Variants in ROBO2 observed in about 807,000 individuals in gnomAD.
ROBO2 encodes roundabout homolog 2.
ROBO2 carries 53 observed loss-of-function variants against 160.8 expected under a neutral mutation model. That is an observed-to-expected ratio of 0.33 (90% CI 0.26 to 0.41). ROBO2 has a LOEUF of 0.41. Among genes scored for constraint, ROBO2 ranks in the 10% least tolerant of loss-of-function variants. The pLI is 1.00. For missense variants in ROBO2, 1,577 were observed against 1,722.4 expected (o/e 0.92, Z 1.49); for synonymous variants, 664 against 611.7 (o/e 1.09, Z -1.26).
exon 26 of ROBO2, chr3:77,649,856 A>G (rs550104101): frequency 3.3e-5 from 5 of 152,202 alleles, no homozygotes; most frequent in Admixed American, 2.6e-4. Flanking sequence ...GTTTCATTTG[A>G]TGTTGTTAGA....
intron 2 of ROBO2, among the ~76,000 whole-genome samples, chr3:76,522,244 A>G (rs2081663698): frequency 1.3e-5 from 2 of 152,208 alleles, no homozygotes; most frequent in Non-Finnish European, 2.9e-5. Context: ...TAGAGTAATT[A>G]GAGAAGTAAA....
At position 76,731,017 on chromosome 3, in the gene ROBO2, C is replaced by T. The variant is rs1013130336; in HGVS notation, c.110-366997C>T. Among the ~76,000 whole-genome samples the T allele has an allele frequency of 6.0e-5, 9 of 149,062 alleles. 1 individual carries two copies. The highest frequency in any genetic ancestry group is 4.3e-4 in the South Asian group (2 of 4,648). On this transcript the variant is annotated intron_variant, in intron 2 of 26. Transcript: ENST00000487694. ...ACCTCCTACTCCCTACCCGCTTTTC[C>T]TCACCTCCTACTCCCTACCCGCTTT...
intron 2 of ROBO2, among the ~76,000 whole-genome samples, chr3:76,440,386 G>C (rs2076872425): frequency 6.6e-6 from 1 of 151,814 alleles, no homozygotes; most frequent in Non-Finnish European, 1.5e-5. Flanking sequence ...ATCTCCTAAT[G>C]CTATCCCTCC....
chr3:76,270,128 G>C (rs1484498300), intron 2 of ROBO2, among the ~76,000 whole-genome samples: 1 of 151,972 alleles, frequency 6.6e-6, no homozygotes, highest in African/African-American at 2.4e-5. Context: ...TATGTCTTAG[G>C]TAATTTCTCA....
At chr3:76,959,180 T>C (rs766523210) in intron 2 of ROBO2, among the ~76,000 whole-genome samples, 20 of 152,172 alleles carry the variant, frequency 1.3e-4, no homozygotes, top group Non-Finnish European at 2.8e-4. Context: ...ACAACTCTTA[T>C]TAACCAGCTA....
At chr3:77,324,177 G>T (rs1435009955) in intron 2 of ROBO2, among the ~76,000 whole-genome samples, 1 of 152,102 alleles carries the variant, frequency 6.6e-6, no homozygotes, top group Non-Finnish European at 1.5e-5. Flanking sequence ...CAGGGGACTG[G>T]CTATAAGTGT....
At chr3:77,360,185 C>T (rs576434375) in intron 2 of ROBO2, among the ~76,000 whole-genome samples, 1 of 152,078 alleles carries the variant, frequency 6.6e-6, no homozygotes, top group African/African-American at 2.4e-5. Flanking sequence ...AGTGTCAGGG[C>T]CGGCGGGGAG....
intron 2 of ROBO2, among the ~76,000 whole-genome samples, chr3:76,422,446 G>T (rs1170975272): frequency 6.6e-6 from 1 of 152,136 alleles, no homozygotes; most frequent in Non-Finnish European, 1.5e-5. Flanking sequence ...CCTAATGGAG[G>T]TTGCTAGAGT....
intron 2 of ROBO2, among the ~76,000 whole-genome samples, chr3:76,257,710 T>A (rs1706488853): frequency 6.6e-6 from 1 of 151,756 alleles, no homozygotes; most frequent in Non-Finnish European, 1.5e-5. Context: ...TTCCTTTCTC[T>A]CACTGCATAC....
intron 2 of ROBO2, among the ~76,000 whole-genome samples, chr3:76,236,404 G>A (rs929598113): frequency 6.6e-6 from 1 of 152,006 alleles, no homozygotes; most frequent in Non-Finnish European, 1.5e-5. Flanking sequence ...CTAAAGTGCA[G>A]ACTGAAATAA....
At chr3:76,981,637 C>T (rs1283840683) in intron 2 of ROBO2, among the ~76,000 whole-genome samples, 1 of 151,946 alleles carries the variant, frequency 6.6e-6, no homozygotes, top group South Asian at 2.1e-4. Context: ...CTGTATTTGT[C>T]CATTCTTGCA....
chr3:76,636,989 G>A (rs140934988), intron 2 of ROBO2, among the ~76,000 whole-genome samples: 102 of 152,230 alleles, frequency 6.7e-4, no homozygotes, highest in African/African-American at 2.3e-3. Flanking sequence ...TTCAAGGAGA[G>A]TGAGCCCTGA....
At chr3:77,178,011 C>T (rs1168077842) in intron 2 of ROBO2, among the ~76,000 whole-genome samples, 1 of 151,898 alleles carries the variant, frequency 6.6e-6, no homozygotes, top group Non-Finnish European at 1.5e-5. Flanking sequence ...AAAGAGAGAG[C>T]AGTAGACAAT....
At chr3:77,526,855 C>T (rs888924918) in intron 6 of ROBO2, among the ~76,000 whole-genome samples, 2 of 151,406 alleles carry the variant, frequency 1.3e-5, no homozygotes, top group Non-Finnish European at 3.0e-5. Context: ...GATGTTCCAA[C>T]CTATCTGTTA....
chr3:75,919,816 A>G (rs1388730271), intron 1 of ROBO2, among the ~76,000 whole-genome samples: 1 of 152,060 alleles, frequency 6.6e-6, no homozygotes, highest in African/African-American at 2.4e-5. Flanking sequence ...TTTCTAGTTT[A>G]TTTGTGTAGA....
intron 2 of ROBO2, among the ~76,000 whole-genome samples, chr3:76,516,030 A>T (rs572729874): frequency 1.4e-4 from 21 of 152,290 alleles, no homozygotes; most frequent in African/African-American, 4.1e-4. Flanking sequence ...GAAAAGCTAG[A>T]TTTAGACATC....
At chr3:76,343,600 C>T (rs2074359710) in intron 2 of ROBO2, among the ~76,000 whole-genome samples, 1 of 151,554 alleles carries the variant, frequency 6.6e-6, no homozygotes, top group Non-Finnish European at 1.5e-5. Context: ...ATTACGTTTG[C>T]ACCAACCTAA....
chr3:76,838,530 T>C (rs1359337149), intron 2 of ROBO2, among the ~76,000 whole-genome samples: 1 of 152,070 alleles, frequency 6.6e-6, no homozygotes, highest in African/African-American at 2.4e-5. Context: ...TTGAGAATAT[T>C]TGACCATGGA....
intron 2 of ROBO2, among the ~76,000 whole-genome samples, chr3:77,461,885 C>T (rs975318056): frequency 5.3e-5 from 8 of 152,102 alleles, no homozygotes; most frequent in African/African-American, 1.7e-4. Context: ...GCCACCACAC[C>T]CAGCTAATTT....
Sources: allele counts gnomAD v4.1 joint callset (sites outside exome capture counted in the v4.1 genomes callset), GRCh38; gene constraint gnomAD v4.1.1; transcripts MANE v1.5; gene names NCBI Gene and HGNC (gene_info 2026-07-23, HGNC 2026-07-21).